Variants in PHLPP1 observed in about 807,000 individuals in gnomAD.
The protein encoded by PHLPP1 is PH domain and leucine rich repeat protein phosphatase 1.
A neutral mutation model predicts 117.2 loss-of-function variants in PHLPP1; 42 were observed. The observed-to-expected ratio is 0.36, with a 90% confidence interval of 0.28 to 0.46. The LOEUF (loss-of-function observed/expected upper bound fraction) is 0.46. PHLPP1 is among the 20% of genes least tolerant of loss of function. The pLI is 1.00. For synonymous variants in PHLPP1, 1,042 were observed against 970.7 expected, an observed-to-expected ratio of 1.07 and a Z score of -1.37; for missense variants, 2,084 against 2,241.9, an observed-to-expected ratio of 0.93 and a Z score of 1.42.
chr18:62,953,322 G>GCAACT, intron 12 of PHLPP1, among the ~76,000 whole-genome samples: 1 of 152,258 alleles, frequency 6.6e-6, no homozygotes, highest in East Asian at 1.9e-4. Flanking sequence ...TCCAGCCTCA[G>GCAACT]CAACTGCTCA....
At chr18:62,728,162 G>T (rs1911130895) in intron 1 of PHLPP1, among the ~76,000 whole-genome samples, 1 of 151,990 alleles carries the variant, frequency 6.6e-6, no homozygotes, top group South Asian at 2.1e-4. Context: ...GGACGTGGTG[G>T]TGCATCCCTG....
At chr18:62,811,980 T>C (rs928386701) in intron 1 of PHLPP1, among the ~76,000 whole-genome samples, 1 of 152,204 alleles carries the variant, frequency 6.6e-6, no homozygotes, top group Non-Finnish European at 1.5e-5. Context: ...CTTGGAATTT[T>C]TGTTTATAAA....
Position 62,963,415 on chromosome 18 carries a change from C to T in PHLPP1, c.3503C>T (p.Ser1168Phe). The change falls in exon 14 of 17, where the codon TCC becomes TTC. Residue 1168 changes from serine (S) to phenylalanine (F), a missense_variant. By Grantham distance (155) the Ser-to-Phe change is radical. Around this residue, in one of 2 missense-constraint regions of PHLPP1, gnomAD observed 1,365 missense variants for 1,605.9 expected, o/e 0.85. Coordinates refer to ENST00000262719, the MANE Select transcript of PHLPP1 (RefSeq NM_194449.4). ...KIDQPSTGDA[S>F]GAPAVWSHGY... ...GATCAGCCTTCTACAGGAGACGCTT[C>T]CGGAGCCCCAGCTGTATGGAGTCAT... 6.2e-7 allele frequency: 1 copy of T among 1,613,552 alleles called. No individual in the cohort carries two copies. Among genetic ancestry groups the T allele is most frequent in the Non-Finnish European group, 8.5e-7 (1 of 1,179,690 alleles).
At chr18:62,724,291 T>C (rs969726340) in intron 1 of PHLPP1, among the ~76,000 whole-genome samples, 31 of 152,332 alleles carry the variant, frequency 2.0e-4, no homozygotes, top group African/African-American at 7.5e-4. Context: ...ATAACTGTAT[T>C]AGAGGGATAC....
At chr18:62,792,929 C>G (rs975721789) in intron 1 of PHLPP1, among the ~76,000 whole-genome samples, 1 of 147,862 alleles carries the variant, frequency 6.8e-6, no homozygotes, top group South Asian at 2.2e-4. Flanking sequence ...AATCCCAGCA[C>G]TTTGGGAGGC....
chr18:62,783,799 A>C (rs1237808350), intron 1 of PHLPP1, among the ~76,000 whole-genome samples: 1 of 152,030 alleles, frequency 6.6e-6, no homozygotes, highest in South Asian at 2.1e-4. Context: ...GAAATGATTG[A>C]CTGTAGGCAC....
chr18:62,734,008 A>G (rs1209334326), intron 1 of PHLPP1, among the ~76,000 whole-genome samples: 1 of 152,196 alleles, frequency 6.6e-6, no homozygotes, highest in African/African-American at 2.4e-5. Context: ...TTCTGGGTTA[A>G]GCAAATATTC....
intron 11 of PHLPP1, 123 bp from the exon 12 acceptor site, chr18:62,944,986 A>G: frequency 1.5e-6 from 1 of 681,010 alleles, no homozygotes; most frequent in East Asian, 3.2e-5. Flanking sequence ...TAGTGAAAAA[A>G]TGGTCTTGTT....
At chr18:62,859,479 A>G (rs1915578011) in intron 3 of PHLPP1, among the ~76,000 whole-genome samples, 1 of 152,242 alleles carries the variant, frequency 6.6e-6, no homozygotes, top group African/African-American at 2.4e-5. Context: ...TACATGAAGC[A>G]AAGCACAATG....
At position 62,716,358 on chromosome 18, in the gene PHLPP1, C is replaced by G; in HGVS notation, c.675C>G (p.Thr225=). 1.3e-6 allele frequency: 2 copies of G among 1,495,622 alleles called. No individual in the cohort carries two copies. The highest frequency in any genetic ancestry group is 1.8e-6 in the Non-Finnish European group (2 of 1,127,778). The allele number at this position is 1,495,622 out of a possible 1,614,324, so 92.6% of individuals were successfully genotyped here. A position where few individuals can be genotyped will look rare whatever the true frequency, so the allele number is the denominator to read the frequency against. The change falls in exon 1 of 17, where the codon ACC becomes ACG. Residue 225 remains threonine (T), a synonymous_variant. Transcript: ENST00000262719. This position sits in a 1 kb window ranked among gnomAD's most constrained non-coding sequence, Gnocchi z 5.7. ...YLRPVLCTLD[T]TAGEVAARLL... ...GCCCGGTGCTCTGCACACTGGACAC[C>G]ACGGCCGGCGAGGTGGCCGCCCGCC...
intron 4 of PHLPP1, 102 bp from the exon 5 acceptor site, chr18:62,894,909 G>T: frequency 1.0e-6 from 1 of 997,448 alleles, no homozygotes. Context: ...CTCTTTAGTT[G>T]AATTTGGGAG....
intron 1 of PHLPP1, among the ~76,000 whole-genome samples, chr18:62,762,415 C>CTTT (rs368710387): frequency 5.5e-5 from 7 of 127,854 alleles, no homozygotes; most frequent in Non-Finnish European, 8.5e-5. Context: ...ATTTTTTTAT[C>CTTT]TTTTTTTTTT....
At chr18:62,779,696 G>A (rs1438884123) in intron 1 of PHLPP1, 1 of 152,170 alleles carries the variant, frequency 6.6e-6, no homozygotes, top group Admixed American at 6.5e-5. Flanking sequence ...GCAGATTACA[G>A]GGTTCTGTCT....
chr18:62,774,121 A>G (rs1568113036), intron 1 of PHLPP1, among the ~76,000 whole-genome samples: 1 of 152,126 alleles, frequency 6.6e-6, no homozygotes, highest in South Asian at 2.1e-4. Context: ...CCTTCTTGTG[A>G]TATATGTACT....
In PHLPP1 at chr18:62,878,686, A is replaced by T. The variant is rs1325014328; in HGVS notation, c.2067-16325A>T. ...GATGTCTTTTGGACGTATAATTAAT[A>T]AGAAAACCTTGGGGAAAGGCTGACT... On this transcript the variant is annotated intron_variant, in intron 4 of 16. Coordinates refer to ENST00000262719, the MANE Select transcript of PHLPP1 (RefSeq NM_194449.4). Among the ~76,000 whole-genome samples, 3 of 152,194 alleles carry T rather than the reference A, an allele frequency of 2.0e-5. No homozygotes were observed. In the South Asian group the frequency reaches 6.2e-4, roughly 31 times the overall value.
chr18:62,805,982 G>T (rs1913940057), intron 1 of PHLPP1, among the ~76,000 whole-genome samples: 1 of 151,750 alleles, frequency 6.6e-6, no homozygotes, highest in Non-Finnish European at 1.5e-5. Flanking sequence ...GACTTTAAAA[G>T]TTCTCTTTTA....
chr18:62,972,484 A>T (rs751397088), intron 14 of PHLPP1, 30 bp from the exon 15 acceptor site: 28 of 1,599,996 alleles, frequency 1.7e-5, no homozygotes, highest in Non-Finnish European at 2.3e-5. Flanking sequence ...GGATGAGTGG[A>T]CTCAGCACAG....
At chr18:62,973,621 C>T (rs1911113393) in intron 15 of PHLPP1, among the ~76,000 whole-genome samples, 1 of 152,056 alleles carries the variant, frequency 6.6e-6, no homozygotes, top group Non-Finnish European at 1.5e-5. Context: ...TACAGTGATA[C>T]CTGCATCACA....
chr18:62,873,302 CTTAGACTA>C (rs1166413081), intron 4 of PHLPP1, among the ~76,000 whole-genome samples: 1 of 152,136 alleles, frequency 6.6e-6, no homozygotes, highest in Admixed American at 6.6e-5. Flanking sequence ...ATGTCTTTAT[CTTAGACTA>C]TTTTAATTAC....
Sources: allele counts gnomAD v4.1 joint callset (sites outside exome capture counted in the v4.1 genomes callset), GRCh38; gene constraint gnomAD v4.1.1; regional missense constraint gnomAD v4.1.1; non-coding constraint Gnocchi (gnomAD v3.1); transcripts MANE v1.5; gene names NCBI Gene and HGNC (gene_info 2026-07-23, HGNC 2026-07-21).